The following SBF2 variants were observed in gnomAD, a reference collection of about 807,000 sequenced individuals.
SBF2 encodes myotubularin-related protein 13.
A neutral mutation model predicts 225.2 loss-of-function variants in SBF2; 112 were observed. The ratio of observed to expected loss-of-function variants is 0.50; its 90% confidence interval spans 0.43 to 0.58. SBF2 has a LOEUF of 0.58. SBF2 is among the 20% of genes least tolerant of loss of function. The pLI, the probability that SBF2 is intolerant of heterozygous loss-of-function variation, is 0.00. For synonymous variants in SBF2, 763 were observed against 773.3 expected (o/e 0.99, Z 0.22); for missense variants, 1,996 against 2,206.2 (o/e 0.90, Z 1.91).
chr11:10,224,219 A>G (rs1958453405), intron 1 of SBF2, among the ~76,000 whole-genome samples: 1 of 152,134 alleles, frequency 6.6e-6, no homozygotes, highest in African/African-American at 2.4e-5. Context: ...ATTTTCCAAT[A>G]TAGTTATTGA....
chr11:9,993,161 C>G, intron 10 of SBF2, 58 bp from the exon 11 acceptor site: 2 of 1,316,710 alleles, frequency 1.5e-6, no homozygotes, highest in Non-Finnish European at 2.2e-6. Flanking sequence ...AATGAAATAT[C>G]AAGTCAAAAA....
chr11:10,061,036 AT>A (rs1222302117), intron 2 of SBF2, among the ~76,000 whole-genome samples: 6 of 152,130 alleles, frequency 3.9e-5, no homozygotes, highest in African/African-American at 1.4e-4. Flanking sequence ...TCAAAAAAAA[AT>A]AAATAAATAA....
Position 10,090,207 on chromosome 11 carries a change from C to T in SBF2, c.142-47226G>A, listed in dbSNP as rs115144318. Among the ~76,000 whole-genome samples, 584 of 152,224 alleles carry T rather than the reference C, an allele frequency of 3.8e-3. 5 individuals are homozygous for T. Among genetic ancestry groups the T allele is most frequent in the African/African-American group, 0.013 (546 of 41,524 alleles). ...TGAGGGAAATGGGGTTATTGTTTAA[C>T]GGGTACAGCATCTGTATGGGCTGAT... On this transcript the variant is annotated intron_variant, in intron 2 of 39. Transcript: ENST00000256190.
intron 16 of SBF2, among the ~76,000 whole-genome samples, chr11:9,950,677 T>G (rs1481379352): frequency 6.6e-6 from 1 of 152,176 alleles, no homozygotes; most frequent in African/African-American, 2.4e-5. Context: ...AACATGTCCG[T>G]CAACATTCTC....
At chr11:9,985,794 T>C (rs918186702) in intron 13 of SBF2, among the ~76,000 whole-genome samples, 1 of 151,970 alleles carries the variant, frequency 6.6e-6, no homozygotes, top group African/African-American at 2.4e-5. Flanking sequence ...CAATTACTAA[T>C]AGACCTAAGA....
chr11:10,134,207 G>T (rs1212836083), intron 2 of SBF2, among the ~76,000 whole-genome samples: 1 of 152,166 alleles, frequency 6.6e-6, no homozygotes, highest in Non-Finnish European at 1.5e-5. Context: ...CAGATCTCAT[G>T]AGACTTATTC....
chr11:9,921,186 T>G (rs1391822126), intron 16 of SBF2, among the ~76,000 whole-genome samples: 1 of 149,162 alleles, frequency 6.7e-6, no homozygotes, highest in African/African-American at 2.5e-5. Flanking sequence ...TTCTCCTGCC[T>G]CAGCCTCCCA....
chr11:10,164,895 C>G (rs1246421969), intron 2 of SBF2: 1 of 152,210 alleles, frequency 6.6e-6, no homozygotes, highest in Non-Finnish European at 1.5e-5. Context: ...TAGCAAGTTT[C>G]ACACTAAACT....
chr11:10,237,877 C>T (rs1959139155), intron 1 of SBF2, among the ~76,000 whole-genome samples: 1 of 152,086 alleles, frequency 6.6e-6, no homozygotes, highest in Non-Finnish European at 1.5e-5. Context: ...ATGGTATGTA[C>T]TTTGGGAGGG....
chr11:10,163,581 T>G (rs1045092024), intron 2 of SBF2, among the ~76,000 whole-genome samples: 1 of 152,112 alleles, frequency 6.6e-6, no homozygotes, highest in Non-Finnish European at 1.5e-5. Context: ...GATCCATATA[T>G]CTCTCCCTTC....
intron 2 of SBF2, among the ~76,000 whole-genome samples, chr11:10,125,328 C>T (rs79062369): frequency 0.076 from 11,547 of 151,970 alleles, 620 homozygotes; most frequent in East Asian, 0.28. Context: ...CCATATTTTC[C>T]CTTTTTTGCT....
intron 28 of SBF2, 105 bp downstream of exon 28, chr11:9,829,251 G>A (rs1855238594): frequency 7.6e-7 from 1 of 1,310,724 alleles, no homozygotes; most frequent in Non-Finnish European, 1.1e-6. Context: ...AAGAAGTCTT[G>A]GTGAAGGAAC....
intron 1 of SBF2, among the ~76,000 whole-genome samples, chr11:10,287,700 A>G (rs1218531305): frequency 6.6e-6 from 1 of 152,208 alleles, no homozygotes; most frequent in African/African-American, 2.4e-5. Context: ...AGATATTGTT[A>G]TGGGATCTTT....
At chr11:10,282,771 T>C (rs879691623) in intron 1 of SBF2, among the ~76,000 whole-genome samples, 8 of 152,032 alleles carry the variant, frequency 5.3e-5, no homozygotes, top group Non-Finnish European at 8.8e-5. Context: ...CATTTCTATG[T>C]TGTTTCTTGC....
At chr11:10,154,394 A>T (rs183921638) in intron 2 of SBF2, among the ~76,000 whole-genome samples, 1 of 152,018 alleles carries the variant, frequency 6.6e-6, no homozygotes, top group Non-Finnish European at 1.5e-5. Context: ...CTTCTGGCCT[A>T]TATTTTAGTT....
intron 23 of SBF2, 97 bp from the exon 24 acceptor site, chr11:9,845,837 T>C: frequency 2.6e-6 from 3 of 1,144,570 alleles, no homozygotes; most frequent in Non-Finnish European, 2.6e-6. Flanking sequence ...ATGGCAAGAC[T>C]GGAGGTCAAA....
At chr11:9,969,675 C>A (rs1867199811) in intron 13 of SBF2, among the ~76,000 whole-genome samples, 1 of 152,206 alleles carries the variant, frequency 6.6e-6, no homozygotes, top group South Asian at 2.1e-4. Flanking sequence ...CTTTCCCAAT[C>A]ACCTTATCTT....
At chr11:10,008,710 T>C (rs1288126536) in intron 6 of SBF2, among the ~76,000 whole-genome samples, 1 of 152,238 alleles carries the variant, frequency 6.6e-6, no homozygotes, top group African/African-American at 2.4e-5. Context: ...GAAATAGGAC[T>C]GCCCTGAGGG....
At chr11:9,876,552 G>T (rs1859259520) in intron 17 of SBF2, among the ~76,000 whole-genome samples, 1 of 152,110 alleles carries the variant, frequency 6.6e-6, no homozygotes, top group African/African-American at 2.4e-5. Context: ...ACTGCCCCAC[G>T]TTCTGAAGAA....
Sources: gnomAD v4.1 joint callset for allele counts (sites outside exome capture counted in the v4.1 genomes callset) on GRCh38, gnomAD v4.1.1 for gene constraint, MANE v1.5 for transcripts, NCBI Gene and HGNC (gene_info 2026-07-23, HGNC 2026-07-21) for gene names.